The following APPBP2 variants were observed in gnomAD, a reference collection of about 807,000 sequenced individuals.
APPBP2 encodes the protein amyloid protein-binding protein 2.
Under a neutral mutation model 76.0 loss-of-function variants are expected in APPBP2, and 15 were observed. That is an observed-to-expected ratio of 0.20 (90% CI 0.13 to 0.30). APPBP2 has a LOEUF of 0.30. APPBP2 is among the 10% of genes least tolerant of loss of function. APPBP2 has a pLI of 1.00. For synonymous variants in APPBP2, 222 were observed against 242.2 expected (o/e 0.92, Z 0.77); for missense variants, 401 against 687.2 (o/e 0.58, Z 4.66).
intron 1 of APPBP2, among the ~76,000 whole-genome samples, chr17:60,510,709 C>G (rs2090905072): frequency 6.6e-6 from 1 of 152,096 alleles, no homozygotes; most frequent in Non-Finnish European, 1.5e-5. Context: ...AAGTGAGATC[C>G]TGTTTCTGGG....
At chr17:60,490,760 G>A (rs924906601) in intron 3 of APPBP2, among the ~76,000 whole-genome samples, 2 of 152,144 alleles carry the variant, frequency 1.3e-5, no homozygotes, top group South Asian at 4.1e-4. Context: ...TCTTGTGGTA[G>A]TAAGTCTCAC....
rs1400161973 is a variant in APPBP2, at chr17:60,454,294, G to GTTTC, written c.1338+4_1338+7dup. 1.3e-6 allele frequency: 2 copies of GTTTC among 1,537,656 alleles called. No homozygotes were observed. The highest frequency in any genetic ancestry group is 1.7e-6 in the Non-Finnish European group (2 of 1,143,146). ...AGAGAGAAAAATATAGTAAAAACAT[G>GTTTC]TTTCTACCTTAAATTTTCTCATTGA... On this transcript the variant is annotated splice_region_variant and intron_variant, in intron 11 of 12. Coordinates refer to ENST00000083182, the MANE Select transcript of APPBP2 (RefSeq NM_006380.5).
At chr17:60,475,661 A>ACACG (rs1555632590) in intron 4 of APPBP2, among the ~76,000 whole-genome samples, 4,623 of 145,892 alleles carry the variant, frequency 0.032, 266 homozygotes, top group African/African-American at 0.11. Context: ...ACACACACAC[A>ACACG]CACACACACA....
Position 60,521,013 on chromosome 17 carries a change from C to T in APPBP2, c.138+4781G>A, listed in dbSNP as rs527846077. On this transcript the variant is annotated intron_variant, in intron 1 of 12. Coordinates refer to ENST00000083182, the MANE Select transcript of APPBP2 (RefSeq NM_006380.5). ...ACGACCGCAGCTAGCACCCTATAAC[C>T]TCCAACTTCTGGGCTCAAACCATCT... 4.6e-5 allele frequency among the ~76,000 whole-genome samples: 7 copies of T among 152,326 alleles called. 1 individual carries two copies. In the South Asian group the frequency reaches 1.4e-3, roughly 32 times the overall value.
intron 3 of APPBP2, 67 bp downstream of exon 3, chr17:60,494,399 T>C: frequency 6.4e-7 from 1 of 1,556,242 alleles, no homozygotes; most frequent in South Asian, 1.2e-5. Flanking sequence ...CTGGAAGAAT[T>C]CTTTGTTAGC....
chr17:60,452,057 TTA>T lies in APPBP2; in HGVS notation c.1339-14_1339-13del, dbSNP rs1233727127. 8.1e-6 allele frequency: 13 copies of T among 1,610,966 alleles called. No individual in the cohort carries two copies. Among genetic ancestry groups the T allele is most frequent in the African/African-American group, 2.7e-5 (2 of 74,630 alleles). ...ATTTCTTCAGCTTCCTGAAAAACAA[TTA>T]TGCCATATCAATCATTATACTTTTT... is the stretch of plus-strand genomic sequence containing the variant. On this transcript the variant is annotated splice_polypyrimidine_tract_variant and intron_variant, in intron 11 of 12. Transcript: ENST00000083182.
chr17:60,491,865 G>C (rs1276724525), intron 3 of APPBP2, among the ~76,000 whole-genome samples: 1 of 152,208 alleles, frequency 6.6e-6, no homozygotes, highest in African/African-American at 2.4e-5. Context: ...GCAGAAATTT[G>C]CATGAGTAAC....
intron 6 of APPBP2, among the ~76,000 whole-genome samples, chr17:60,463,612 G>A (rs1598350601): frequency 1.3e-5 from 2 of 152,342 alleles, no homozygotes; most frequent in East Asian, 3.8e-4. Context: ...GCAATACTAT[G>A]ACAAAGAGAT....
At chr17:60,480,027 C>T (rs968402655) in intron 3 of APPBP2, among the ~76,000 whole-genome samples, 1 of 152,060 alleles carries the variant, frequency 6.6e-6, no homozygotes, top group Non-Finnish European at 1.5e-5. Context: ...GTCTGTAGTC[C>T]CTATACTGCA....
At chr17:60,473,086 T>C (rs887937277) in intron 4 of APPBP2, among the ~76,000 whole-genome samples, 5 of 152,236 alleles carry the variant, frequency 3.3e-5, no homozygotes, top group Non-Finnish European at 7.3e-5. Context: ...CATTTACATG[T>C]ATTGTGATGA....
chr17:60,511,204 A>G (rs1567940654), intron 1 of APPBP2, among the ~76,000 whole-genome samples: 1 of 152,214 alleles, frequency 6.6e-6, no homozygotes, highest in African/African-American at 2.4e-5. Context: ...TAAGTCTCTC[A>G]GCTTCTCTTC....
intron 3 of APPBP2, among the ~76,000 whole-genome samples, chr17:60,493,784 C>T (rs907671198): frequency 6.6e-6 from 1 of 151,766 alleles, no homozygotes; most frequent in African/African-American, 2.4e-5. Flanking sequence ...GGATTACTGG[C>T]ATGCGTCACC....
intron 3 of APPBP2, among the ~76,000 whole-genome samples, chr17:60,480,842 G>C (rs567654712): frequency 3.9e-5 from 6 of 152,174 alleles, no homozygotes; most frequent in Admixed American, 3.3e-4. Context: ...TGGAGAAATG[G>C]GCTGCATGAC....
intron 4 of APPBP2, among the ~76,000 whole-genome samples, chr17:60,475,768 A>G (rs1199861167): frequency 6.6e-6 from 1 of 152,118 alleles, no homozygotes; most frequent in African/African-American, 2.4e-5. Flanking sequence ...AAAGGAATAC[A>G]TGTCAATGGT....
chr17:60,494,958 T>C (rs374245905), intron 2 of APPBP2, among the ~76,000 whole-genome samples: 5 of 148,944 alleles, frequency 3.4e-5, no homozygotes, highest in African/African-American at 1.3e-4. Context: ...GCAATGAAGA[T>C]AGAAGAGTTT....
intron 3 of APPBP2, 151 bp from the exon 4 acceptor site, chr17:60,479,422 A>G (rs1450177227): frequency 2.5e-6 from 2 of 808,624 alleles, no homozygotes; most frequent in Non-Finnish European, 1.8e-6. Context: ...GAACTGTGAG[A>G]TTTTTATATA....
chr17:60,487,616 A>C (rs938118877), intron 3 of APPBP2, among the ~76,000 whole-genome samples: 2 of 152,118 alleles, frequency 1.3e-5, no homozygotes, highest in African/African-American at 4.8e-5. Flanking sequence ...CAAGGTTTTT[A>C]GCTTCCTTGC....
chr17:60,490,836 T>C (rs1407549567), intron 3 of APPBP2, among the ~76,000 whole-genome samples: 1 of 152,196 alleles, frequency 6.6e-6, no homozygotes, highest in Non-Finnish European at 1.5e-5. Context: ...CCTGCCACCA[T>C]GTAAGATGTG....
At chr17:60,518,139 C>T (rs973252831) in intron 1 of APPBP2, among the ~76,000 whole-genome samples, 5 of 150,570 alleles carry the variant, frequency 3.3e-5, no homozygotes, top group African/African-American at 9.9e-5. Flanking sequence ...CTCACTGCAA[C>T]CTCCGCATCC....
Sources: allele counts gnomAD v4.1 joint callset (sites outside exome capture counted in the v4.1 genomes callset), GRCh38; gene constraint gnomAD v4.1.1; transcripts MANE v1.5; gene names NCBI Gene and HGNC (gene_info 2026-07-23, HGNC 2026-07-21).